IL1RAPL1: variants seen among roughly 807,000 people sequenced by gnomAD.
The protein encoded by IL1RAPL1 is interleukin 1 receptor accessory protein like 1.
A neutral mutation model predicts 48.4 loss-of-function variants in IL1RAPL1; 3 were observed. That is an observed-to-expected ratio of 0.06 (90% CI 0.03 to 0.16). IL1RAPL1 has a LOEUF of 0.16. Among genes scored for constraint, IL1RAPL1 ranks in the 10% least tolerant of loss-of-function variants. The pLI, the probability that IL1RAPL1 is intolerant of heterozygous loss-of-function variation, is 1.00. For synonymous variants in IL1RAPL1, 185 were observed against 187.7 expected (o/e 0.99, Z 0.12); for missense variants, 349 against 530.6 (o/e 0.66, Z 3.36).
chrX:28,902,634 A>G (rs968753036), intron 2 of IL1RAPL1, among the ~76,000 whole-genome samples: 9 of 111,009 alleles, frequency 8.1e-5, no homozygotes, highest in Non-Finnish European at 1.1e-4. Flanking sequence ...TGTTTTATCT[A>G]CTCTTCAAAA....
chrX:29,799,930 A>G lies in IL1RAPL1; in HGVS notation c.779-117534A>G, dbSNP rs765736427. On this transcript the variant is annotated intron_variant, in intron 6 of 10. Coordinates refer to ENST00000378993, the MANE Select transcript of IL1RAPL1 (RefSeq NM_014271.4). ...GGAGGCCTAAGTGTACAACCTGTTC[A>G]TTTCCTATCGGAGTTGGTTGCCTGG... 3.6e-5 allele frequency among the ~76,000 whole-genome samples: 4 copies of G among 112,074 alleles called. No homozygotes were observed. The South Asian group carries it at 1.5e-3, about 42-fold the overall frequency.
At chrX:28,882,327 A>G (rs1922522062) in intron 2 of IL1RAPL1, among the ~76,000 whole-genome samples, 1 of 111,202 alleles carries the variant, frequency 9.0e-6, no homozygotes, top group African/African-American at 3.3e-5. Context: ...CTAGAATACT[A>G]TATCTGGCAA....
chrX:29,675,464 A>G (rs1926254066), intron 6 of IL1RAPL1, among the ~76,000 whole-genome samples: 1 of 112,619 alleles, frequency 8.9e-6, no homozygotes, highest in African/African-American at 3.2e-5. Flanking sequence ...TGCAGCACTA[A>G]GAGTACTATT....
At chrX:29,306,530 G>GAAAAAAA (rs1166748708) in intron 3 of IL1RAPL1, among the ~76,000 whole-genome samples, 492 of 33,230 alleles carry the variant, frequency 0.015, no homozygotes, top group Middle Eastern at 0.067. Context: ...TCTGTCAAAA[G>GAAAAAAA]AAAAAAAAAA....
intron 2 of IL1RAPL1, among the ~76,000 whole-genome samples, chrX:28,947,611 G>C (rs751038920): frequency 1.8e-5 from 2 of 110,956 alleles, no homozygotes; most frequent in African/African-American, 6.5e-5. Flanking sequence ...TAAATGATGA[G>C]TATTAACCCA....
intron 5 of IL1RAPL1, among the ~76,000 whole-genome samples, chrX:29,646,604 A>C (rs1925332333): frequency 9.0e-6 from 1 of 111,329 alleles, no homozygotes; most frequent in Admixed American, 9.5e-5. Flanking sequence ...CAGGAAGGTC[A>C]AAGGTCTCCA....
At position 29,755,926 on chromosome X, in the gene IL1RAPL1, C is replaced by T. The variant is rs748570778; in HGVS notation, c.778+87422C>T. 7.1e-5 allele frequency among the ~76,000 whole-genome samples: 8 copies of T among 112,053 alleles called. No homozygotes were observed. The South Asian group carries it at 2.6e-3, about 37-fold the overall frequency. Reference sequence around the variant, plus strand: ...TAGTGGTTAAGATCACTGGCTTTAGCATCAGTCAATGGGATCAAATCCCAC... The same window carrying T: ...TAGTGGTTAAGATCACTGGCTTTAGTATCAGTCAATGGGATCAAATCCCAC... On this transcript the variant is annotated intron_variant, in intron 6 of 10. Transcript: ENST00000378993.
chrX:28,722,444 A>G (rs1243391710), intron 1 of IL1RAPL1, among the ~76,000 whole-genome samples: 1 of 111,773 alleles, frequency 8.9e-6, no homozygotes, highest in African/African-American at 3.3e-5. Context: ...TTGATTTTGT[A>G]TCTTGAGACT....
At chrX:29,688,027 A>G (rs1926675678) in intron 6 of IL1RAPL1, among the ~76,000 whole-genome samples, 2 of 111,815 alleles carry the variant, frequency 1.8e-5, no homozygotes, top group Non-Finnish European at 3.8e-5. Context: ...AGGACACTAC[A>G]CTGGGGAATG....
intron 1 of IL1RAPL1, among the ~76,000 whole-genome samples, chrX:28,601,423 T>TCAAAA (rs748610900): frequency 6.3e-5 from 7 of 111,208 alleles, no homozygotes; most frequent in East Asian, 2.8e-4. Flanking sequence ...AGACTCCATC[T>TCAAAA]CAAAACAAAA....
intron 5 of IL1RAPL1, among the ~76,000 whole-genome samples, chrX:29,596,371 G>A (rs1422264292): frequency 8.9e-6 from 1 of 112,159 alleles, no homozygotes; most frequent in Non-Finnish European, 1.9e-5. Context: ...AGCATAGTAT[G>A]TGTTTCTATT....
chrX:29,686,528 C>T (rs1357742349), intron 6 of IL1RAPL1, among the ~76,000 whole-genome samples: 1 of 88,652 alleles, frequency 1.1e-5, no homozygotes, highest in Non-Finnish European at 2.2e-5. Context: ...CCCCCACCCC[C>T]CTAAAGATTT....
intron 6 of IL1RAPL1, among the ~76,000 whole-genome samples, chrX:29,721,273 T>C (rs1380204262): frequency 9.0e-6 from 1 of 111,693 alleles, no homozygotes; most frequent in African/African-American, 3.3e-5. Context: ...ATATGAGCTA[T>C]TCCTATATGG....
intron 6 of IL1RAPL1, among the ~76,000 whole-genome samples, chrX:29,760,141 G>T (rs1928721161): frequency 8.9e-6 from 1 of 111,758 alleles, no homozygotes; most frequent in African/African-American, 3.3e-5. Flanking sequence ...ATCATTGCGA[G>T]ATGGGGAGTG....
At chrX:29,345,585 T>A (rs1451437717) in intron 3 of IL1RAPL1, among the ~76,000 whole-genome samples, 1 of 111,964 alleles carries the variant, frequency 8.9e-6, no homozygotes, top group Non-Finnish European at 1.9e-5. Context: ...ATCTTCTTTT[T>A]ACTTTGCTTA....
intron 6 of IL1RAPL1, among the ~76,000 whole-genome samples, chrX:29,803,535 AC>A: frequency 1.0e-5 from 1 of 98,884 alleles, no homozygotes; most frequent in Middle Eastern, 6.6e-3. Flanking sequence ...ATATATGTAT[AC>A]ATATATGTAT....
At chrX:28,955,228 G>A (rs1262875628) in intron 2 of IL1RAPL1, among the ~76,000 whole-genome samples, 5 of 111,161 alleles carry the variant, frequency 4.5e-5, no homozygotes, top group Non-Finnish European at 7.6e-5. Flanking sequence ...ATATAATGAC[G>A]GATATATGTA....
chrX:28,928,423 C>T (rs1923803456), intron 2 of IL1RAPL1, among the ~76,000 whole-genome samples: 1 of 111,657 alleles, frequency 9.0e-6, no homozygotes, highest in Non-Finnish European at 1.9e-5. Flanking sequence ...TTTTACTCCA[C>T]TGACTTCCTA....
chrX:28,706,589 T>G (rs769998125), intron 1 of IL1RAPL1, among the ~76,000 whole-genome samples: 11 of 111,073 alleles, frequency 9.9e-5, no homozygotes, highest in African/African-American at 9.8e-5. Context: ...ATTTTTTGTA[T>G]TTTTAGTAGA....
Sources: gnomAD v4.1 joint callset for allele counts (sites outside exome capture counted in the v4.1 genomes callset) on GRCh38, gnomAD v4.1.1 for gene constraint, MANE v1.5 for transcripts, NCBI Gene and HGNC (gene_info 2026-07-23, HGNC 2026-07-21) for gene names.